LRMDA: variants seen among roughly 807,000 people sequenced by gnomAD.
LRMDA encodes leucine rich melanocyte differentiation associated.
LRMDA carries 18 observed loss-of-function variants against 29.8 expected under a neutral mutation model. That is an observed-to-expected ratio of 0.60 (90% CI 0.42 to 0.90). The LOEUF (loss-of-function observed/expected upper bound fraction) is 0.90, where lower values mean the gene tolerates loss of function less well. Among genes scored for constraint, LRMDA ranks in the 40% least tolerant of loss-of-function variants. LRMDA has a pLI of 0.00. For synonymous variants in LRMDA, 125 were observed against 109.4 expected (o/e 1.14, Z -0.89); for missense variants, 273 against 273.9 (o/e 1.00, Z 0.02).
At chr10:75,621,864 A>G (rs1421422467) in intron 2 of LRMDA, among the ~76,000 whole-genome samples, 1 of 152,214 alleles carries the variant, frequency 6.6e-6, no homozygotes, top group Non-Finnish European at 1.5e-5. Flanking sequence ...TCTAGTAGAA[A>G]GATAAAATGA....
intron 2 of LRMDA, among the ~76,000 whole-genome samples, chr10:75,670,736 G>A (rs1213988805): frequency 1.3e-5 from 2 of 152,188 alleles, no homozygotes; most frequent in East Asian, 3.9e-4. Context: ...TTCAGGTTAA[G>A]CAAGAGAGGA....
intron 2 of LRMDA, among the ~76,000 whole-genome samples, chr10:75,526,571 G>A (rs1845414815): frequency 6.6e-6 from 1 of 151,990 alleles, no homozygotes. Context: ...ACATAATTTA[G>A]GCTAAGTGTG....
At chr10:76,068,923 G>A (rs1174038230) in intron 5 of LRMDA, among the ~76,000 whole-genome samples, 1 of 152,234 alleles carries the variant, frequency 6.6e-6, no homozygotes, top group African/African-American at 2.4e-5. Flanking sequence ...ATGCTCACAA[G>A]AGAGGGGCTT....
intron 6 of LRMDA, among the ~76,000 whole-genome samples, chr10:76,395,488 G>A (rs1187656302): frequency 6.6e-6 from 1 of 152,192 alleles, no homozygotes; most frequent in Non-Finnish European, 1.5e-5. Context: ...GGCTTCACTT[G>A]TATGCCACAA....
chr10:76,141,248 T>C (rs1850194066), intron 5 of LRMDA, among the ~76,000 whole-genome samples: 1 of 152,124 alleles, frequency 6.6e-6, no homozygotes, highest in Admixed American at 6.6e-5. Flanking sequence ...TCTTTTGTTA[T>C]GGGGGTCCAT....
intron 5 of LRMDA, among the ~76,000 whole-genome samples, chr10:76,136,895 A>G (rs543669778): frequency 5.9e-5 from 9 of 152,308 alleles, no homozygotes; most frequent in South Asian, 2.1e-4. Context: ...AAGGATACCT[A>G]TATGTCAGGC....
chr10:76,025,475 C>A (rs1848047126), intron 2 of LRMDA, among the ~76,000 whole-genome samples: 1 of 151,758 alleles, frequency 6.6e-6, no homozygotes, highest in Non-Finnish European at 1.5e-5. Flanking sequence ...TGTATGGTGT[C>A]CCCTTATTCC....
intron 2 of LRMDA, among the ~76,000 whole-genome samples, chr10:75,566,839 A>G (rs1840378932): frequency 6.6e-6 from 1 of 152,144 alleles, no homozygotes; most frequent in Admixed American, 6.5e-5. Flanking sequence ...GAACCTCAGA[A>G]ATACTCCATC....
intron 5 of LRMDA, among the ~76,000 whole-genome samples, chr10:76,101,428 TC>T (rs1445926152): frequency 6.6e-6 from 1 of 152,182 alleles, no homozygotes; most frequent in African/African-American, 2.4e-5. Context: ...ACCCTTATTA[TC>T]CCCTTTTCCT....
chr10:76,051,301 G>T (rs1177067495), intron 4 of LRMDA, among the ~76,000 whole-genome samples: 1 of 152,268 alleles, frequency 6.6e-6, no homozygotes, highest in Non-Finnish European at 1.5e-5. Context: ...GAAGCCCACA[G>T]AGTAATTGCC....
At chr10:76,431,395 C>G (rs892927969) in intron 6 of LRMDA, among the ~76,000 whole-genome samples, 1 of 152,058 alleles carries the variant, frequency 6.6e-6, no homozygotes, top group African/African-American at 2.4e-5. Flanking sequence ...AGCCTGCTTC[C>G]CTGGGTGACG....
At chr10:76,363,299 G>T (rs931328234) in intron 6 of LRMDA, among the ~76,000 whole-genome samples, 1 of 147,044 alleles carries the variant, frequency 6.8e-6, no homozygotes. Flanking sequence ...AAGGAAGGAA[G>T]GGAGGAAGGG....
At chr10:76,099,526 T>G (rs1353537410) in intron 5 of LRMDA, among the ~76,000 whole-genome samples, 1 of 146,300 alleles carries the variant, frequency 6.8e-6, no homozygotes, top group Non-Finnish European at 1.5e-5. Context: ...TCTTTACTAG[T>G]GTAAGCATTT....
intron 2 of LRMDA, among the ~76,000 whole-genome samples, chr10:75,920,933 T>A (rs570389969): frequency 6.6e-6 from 1 of 152,302 alleles, no homozygotes; most frequent in East Asian, 1.9e-4. Context: ...TAGAGTAATT[T>A]CCTAGAGAGA....
chr10:75,676,037 G>C (rs1280981067), intron 2 of LRMDA, among the ~76,000 whole-genome samples: 1 of 152,152 alleles, frequency 6.6e-6, no homozygotes, highest in Non-Finnish European at 1.5e-5. Context: ...AGACAGGGGA[G>C]AGTTTTGGTT....
At chr10:76,435,695 A>G (rs1392332938) in intron 6 of LRMDA, among the ~76,000 whole-genome samples, 2 of 152,232 alleles carry the variant, frequency 1.3e-5, no homozygotes, top group Admixed American at 6.5e-5. Flanking sequence ...TACTCTTCAC[A>G]CAAATGTCCC....
chr10:76,537,387 G>A (rs1304455822), intron 6 of LRMDA, among the ~76,000 whole-genome samples: 1 of 152,210 alleles, frequency 6.6e-6, no homozygotes, highest in Non-Finnish European at 1.5e-5. Flanking sequence ...AATTTGCAGA[G>A]CTATTGTCAC....
chr10:75,980,893 G>T (rs1847157056), intron 2 of LRMDA, among the ~76,000 whole-genome samples: 1 of 152,146 alleles, frequency 6.6e-6, no homozygotes, highest in Admixed American at 6.5e-5. Flanking sequence ...AGTCAATACT[G>T]CTTCTAATAT....
intron 5 of LRMDA, among the ~76,000 whole-genome samples, chr10:76,172,489 G>T (rs1001921754): frequency 6.6e-6 from 1 of 152,198 alleles, no homozygotes; most frequent in African/African-American, 2.4e-5. Context: ...AAAGTGGCTA[G>T]AATTCCCAGG....
Sources: gnomAD v4.1 joint callset for allele counts (sites outside exome capture counted in the v4.1 genomes callset) on GRCh38, gnomAD v4.1.1 for gene constraint, MANE v1.5 for transcripts, NCBI Gene and HGNC (gene_info 2026-07-23, HGNC 2026-07-21) for gene names.